Variants in PHACTR1 observed in about 807,000 individuals in gnomAD.
PHACTR1 encodes RPEL repeat containing 1.
A neutral mutation model predicts 69.2 loss-of-function variants in PHACTR1; 16 were observed. The observed-to-expected ratio is 0.23, with a 90% CI of 0.16 to 0.35. The LOEUF is 0.35. PHACTR1 is among the 10% of genes least tolerant of loss of function. The pLI, the probability that PHACTR1 is intolerant of heterozygous loss-of-function variation, is 1.00. For synonymous variants in PHACTR1, 312 were observed against 284.5 expected (o/e 1.10, Z -0.97); for missense variants, 510 against 734.7 (o/e 0.69, Z 3.54).
chr6:12,830,145 G>GA (rs1294918618), intron 4 of PHACTR1, among the ~76,000 whole-genome samples: 14 of 96,630 alleles, frequency 1.4e-4, no homozygotes, highest in South Asian at 8.4e-4. Flanking sequence ...AAGAAAGAAA[G>GA]AAAGAAAGAA....
At chr6:13,258,740 A>G (rs1775527130) in intron 10 of PHACTR1, among the ~76,000 whole-genome samples, 1 of 152,216 alleles carries the variant, frequency 6.6e-6, no homozygotes, top group South Asian at 2.1e-4. Flanking sequence ...TCCTAGAAAG[A>G]AGGTTCATTT....
At chr6:12,738,040 A>C (rs1469568884) in intron 3 of PHACTR1, among the ~76,000 whole-genome samples, 1 of 152,188 alleles carries the variant, frequency 6.6e-6, no homozygotes, top group Non-Finnish European at 1.5e-5. Flanking sequence ...CTCCTCCAGG[A>C]CAGGAACTAG....
chr6:13,189,816 T>A (rs1583820799), intron 7 of PHACTR1, among the ~76,000 whole-genome samples: 2 of 152,162 alleles, frequency 1.3e-5, no homozygotes, highest in Admixed American at 1.3e-4. Context: ...TTATTCTGCT[T>A]GGGCTGCCGC....
intron 4 of PHACTR1, among the ~76,000 whole-genome samples, chr6:12,856,968 G>A (rs1780437386): frequency 6.6e-6 from 1 of 152,114 alleles, no homozygotes; most frequent in Non-Finnish European, 1.5e-5. Context: ...TTGAGGCTTC[G>A]GTCATTTCCA....
intron 3 of PHACTR1, among the ~76,000 whole-genome samples, chr6:12,739,651 G>C (rs545236353): frequency 6.6e-6 from 1 of 152,168 alleles, no homozygotes; most frequent in South Asian, 2.1e-4. Context: ...CGATCCTCCC[G>C]TCTCAGCCTC....
chr6:12,937,620 ACAGGGG>A (rs986559558), intron 4 of PHACTR1, among the ~76,000 whole-genome samples: 1 of 152,172 alleles, frequency 6.6e-6, no homozygotes. Context: ...GAAAGATAAA[ACAGGGG>A]CAAGGTCTAA....
chr6:13,231,118 AGAG>A lies in PHACTR1; in HGVS notation c.1391+926_1391+928del, dbSNP rs1223499015. On this transcript the variant is annotated intron_variant, in intron 10 of 14. Transcript: ENST00000332995. ...AGGAAGGGAAAAGAAAGAAGGAAAG[AGAG>A]AAAGAAAGAAGGAAAGAGAAAGAAA... Among the ~76,000 whole-genome samples the A allele has an allele frequency of 5.9e-4, 15 of 25,226 alleles. 1 individual carries two copies. The highest frequency in any genetic ancestry group is 2.1e-3 in the African/African-American group (13 of 6,164). 16.5% of individuals were successfully genotyped at this position (25,226 alleles called of 152,430 possible).
intron 4 of PHACTR1, among the ~76,000 whole-genome samples, chr6:12,806,829 C>A (rs968102906): frequency 6.6e-6 from 1 of 152,098 alleles, no homozygotes; most frequent in Non-Finnish European, 1.5e-5. Context: ...AATCCCTGGG[C>A]AAAATGGCTG....
chr6:12,976,917 TATG>T (rs2127588709), intron 4 of PHACTR1, among the ~76,000 whole-genome samples: 1 of 152,318 alleles, frequency 6.6e-6, no homozygotes, highest in Admixed American at 6.5e-5. Flanking sequence ...TTATTATAGA[TATG>T]TATGTATAGG....
At chr6:12,875,711 G>A (rs1036688288) in intron 4 of PHACTR1, among the ~76,000 whole-genome samples, 2 of 152,224 alleles carry the variant, frequency 1.3e-5, no homozygotes, top group Admixed American at 6.5e-5. Flanking sequence ...AGGCAGCGCT[G>A]AAGATTTGTA....
chr6:13,220,990 C>T (rs1454635392), intron 8 of PHACTR1, among the ~76,000 whole-genome samples: 1 of 152,108 alleles, frequency 6.6e-6, no homozygotes, highest in Non-Finnish European at 1.5e-5. Flanking sequence ...GTGGCAGATG[C>T]TATAACAAAG....
At chr6:13,269,322 A>C (rs576768443) in intron 10 of PHACTR1, among the ~76,000 whole-genome samples, 1 of 152,232 alleles carries the variant, frequency 6.6e-6, no homozygotes, top group Non-Finnish European at 1.5e-5. Flanking sequence ...AGATCTTTCA[A>C]CGTGGAGTTG....
chr6:12,799,734 T>C (rs1297400537), intron 4 of PHACTR1, among the ~76,000 whole-genome samples: 4 of 152,222 alleles, frequency 2.6e-5, no homozygotes, highest in Non-Finnish European at 4.4e-5. Context: ...GTGTCAGTGA[T>C]GTTTCAACCT....
At chr6:12,914,919 A>T (rs1396567917) in intron 4 of PHACTR1, among the ~76,000 whole-genome samples, 1 of 152,192 alleles carries the variant, frequency 6.6e-6, no homozygotes, top group Non-Finnish European at 1.5e-5. Flanking sequence ...AATTTGGCTG[A>T]GTTGTCCACA....
chr6:12,819,995 A>G (rs962996121), intron 4 of PHACTR1, among the ~76,000 whole-genome samples: 4 of 152,178 alleles, frequency 2.6e-5, no homozygotes, highest in African/African-American at 9.7e-5. Flanking sequence ...TTCCTAGGAA[A>G]CAACTCTACA....
At chr6:12,991,738 TA>T in intron 4 of PHACTR1, among the ~76,000 whole-genome samples, 1 of 152,316 alleles carries the variant, frequency 6.6e-6, no homozygotes, top group South Asian at 2.1e-4. Context: ...GGAAGTAGTT[TA>T]ATTAGATAAA....
chr6:13,001,272 C>A (rs1798065270), intron 4 of PHACTR1, among the ~76,000 whole-genome samples: 1 of 152,246 alleles, frequency 6.6e-6, no homozygotes, highest in East Asian at 1.9e-4. Flanking sequence ...AATGAGGATG[C>A]CATCTCATCC....
chr6:12,731,466 T>C (rs1763516791), intron 3 of PHACTR1, among the ~76,000 whole-genome samples: 1 of 152,216 alleles, frequency 6.6e-6, no homozygotes, highest in African/African-American at 2.4e-5. Flanking sequence ...CTAGACCACA[T>C]TCCAAACATC....
chr6:12,829,356 G>A (rs892088981), intron 4 of PHACTR1, among the ~76,000 whole-genome samples: 3 of 152,178 alleles, frequency 2.0e-5, no homozygotes, highest in African/African-American at 7.2e-5. Context: ...GCATAGCCTT[G>A]AGGAACTCTT....
Sources: allele counts gnomAD v4.1 joint callset (sites outside exome capture counted in the v4.1 genomes callset), GRCh38; gene constraint gnomAD v4.1.1; transcripts MANE v1.5; gene names NCBI Gene and HGNC (gene_info 2026-07-23, HGNC 2026-07-21).